LPCAT3: variants seen among roughly 807,000 people sequenced by gnomAD.
LPCAT3 encodes the protein lysophospholipid acyltransferase 5.
In LPCAT3, 21 loss-of-function variants were observed where a neutral mutation model predicts 63.4. That is an observed-to-expected ratio of 0.33 (90% CI 0.23 to 0.48). The LOEUF (loss-of-function observed/expected upper bound fraction) is 0.48, where lower values mean the gene tolerates loss of function less well. Among genes scored for constraint, LPCAT3 ranks in the 20% least tolerant of loss-of-function variants. LPCAT3 has a pLI of 0.99. For synonymous variants in LPCAT3, 242 were observed against 227.5 expected (o/e 1.06, Z -0.58); for missense variants, 451 against 590.6 (o/e 0.76, Z 2.45).
At chr12:6,986,795 CAAA>C (rs1157395768) in intron 1 of LPCAT3, among the ~76,000 whole-genome samples, 3 of 33,922 alleles carry the variant, frequency 8.8e-5, no homozygotes, top group Non-Finnish European at 1.8e-4. Context: ...GACTCTGTCT[CAAA>C]AAAAAAAAAA....
intron 1 of LPCAT3, among the ~76,000 whole-genome samples, chr12:6,991,540 C>G (rs1391773797): frequency 1.3e-5 from 2 of 152,134 alleles, no homozygotes; most frequent in African/African-American, 2.4e-5. Flanking sequence ...GCAGAAAAGT[C>G]TGTATATATT....
chr12:6,986,182 A>G (rs1035651842), intron 1 of LPCAT3, among the ~76,000 whole-genome samples: 30 of 152,152 alleles, frequency 2.0e-4, no homozygotes, highest in African/African-American at 7.0e-4. Flanking sequence ...TTGAACAGCA[A>G]GGGTCCCCTT....
chr12:7,011,402 T>G (rs990726108), intron 1 of LPCAT3, among the ~76,000 whole-genome samples: 1 of 151,878 alleles, frequency 6.6e-6, no homozygotes, highest in Non-Finnish European at 1.5e-5. Flanking sequence ...TCTCAGCACT[T>G]TGGGAGGCTG....
chr12:6,978,583 G>A lies in LPCAT3; in HGVS notation c.873+20C>T. 1 of 1,613,998 alleles carries A rather than the reference G, an allele frequency of 6.2e-7. No homozygotes were observed. The highest frequency in any genetic ancestry group is 8.5e-7 in the Non-Finnish European group (1 of 1,179,946). On this transcript the variant is annotated intron_variant, in intron 8 of 12. Coordinates refer to ENST00000261407, the MANE Select transcript of LPCAT3 (RefSeq NM_005768.6). ...CCATGGCTTGTCTAAATAGGACCTT[G>A]TTTCAACTTTTCTACTTACTGTGAC...
chr12:7,007,452 A>G (rs1439348296), intron 1 of LPCAT3, among the ~76,000 whole-genome samples: 1 of 151,214 alleles, frequency 6.6e-6, no homozygotes, highest in Non-Finnish European at 1.5e-5. Flanking sequence ...CCATAGCAAC[A>G]TGAATACTCA....
chr12:6,984,112 T>A (rs782130722), intron 1 of LPCAT3, among the ~76,000 whole-genome samples: 4 of 152,256 alleles, frequency 2.6e-5, no homozygotes, highest in Non-Finnish European at 5.9e-5. Flanking sequence ...TCAGGCTAAA[T>A]ACTGGAATTG....
intron 1 of LPCAT3, among the ~76,000 whole-genome samples, chr12:6,995,861 T>G (rs1262889320): frequency 6.6e-6 from 1 of 152,202 alleles, no homozygotes; most frequent in Non-Finnish European, 1.5e-5. Context: ...CTGGTCTGAG[T>G]TGCCACTATC....
At chr12:6,983,001 G>T in intron 2 of LPCAT3, 1 of 615,150 alleles carries the variant, frequency 1.6e-6, no homozygotes, top group Admixed American at 2.2e-5. Flanking sequence ...TGTTTTTTTA[G>T]AGATGCGACT....
chr12:6,993,155 T>A (rs1555155706), intron 1 of LPCAT3, among the ~76,000 whole-genome samples: 1 of 152,064 alleles, frequency 6.6e-6, no homozygotes, highest in East Asian at 1.9e-4. Flanking sequence ...TTCAAAAGGT[T>A]GTCGCCGGGC....
At position 6,977,050 on chromosome 12, in the gene LPCAT3, G is replaced by C. The variant is rs112876777; in HGVS notation, c.*12+84C>G. On this transcript the variant is annotated intron_variant, in intron 12 of 12. Transcript: ENST00000261407. This position sits in a 1 kb window ranked among gnomAD's most constrained non-coding sequence, Gnocchi z 4.5. ...AGGCTAATCCTTGGAATTCACCCCA[G>C]ATTTCTAATACTATTGTTTTTTTCC... The C allele has an allele frequency of 3.4e-6, 3 of 876,172 alleles. No homozygotes were observed. 54.3% of individuals were successfully genotyped at this position (876,172 alleles called of 1,614,324 possible). A position where few individuals can be genotyped will look rare whatever the true frequency, so the allele number is the denominator to read the frequency against.
intron 5 of LPCAT3, 72 bp from the exon 6 acceptor site, chr12:6,981,254 C>CCAGTCAGTGGGGCA: frequency 1.6e-6 from 2 of 1,258,220 alleles, no homozygotes; most frequent in Non-Finnish European, 2.2e-6. Context: ...TGAGTGTTCC[C>CCAGTCAGTGGGGCA]CACCTGTGTG....
intron 1 of LPCAT3, among the ~76,000 whole-genome samples, chr12:7,003,083 T>G (rs782753123): frequency 3.3e-5 from 5 of 152,328 alleles, no homozygotes; most frequent in African/African-American, 1.2e-4. Flanking sequence ...TGTAGCATTT[T>G]TTTTCCTTCA....
chr12:6,986,231 C>G (rs1946524741), intron 1 of LPCAT3, among the ~76,000 whole-genome samples: 1 of 152,168 alleles, frequency 6.6e-6, no homozygotes, highest in Non-Finnish European at 1.5e-5. Flanking sequence ...AGATGGCAAC[C>G]CTTTCTCTTT....
intron 1 of LPCAT3, among the ~76,000 whole-genome samples, chr12:7,004,926 T>C (rs1292479568): frequency 6.6e-6 from 1 of 152,228 alleles, no homozygotes; most frequent in East Asian, 1.9e-4. Flanking sequence ...TTTTTTTCTT[T>C]GATCATGCAT....
At position 6,987,427 on chromosome 12, in the gene LPCAT3, A is replaced by C. The variant is rs868990458; in HGVS notation, c.152-3888T>G. ...ACCCTTTCAGGTAGATCAATGAGCA[A>C]GGAAATAGGATCAAGTCTCATATAT... On this transcript the variant is annotated intron_variant, in intron 1 of 12. Transcript: ENST00000261407. The surrounding 1 kb of genome is among the most constrained non-coding windows in gnomAD (Gnocchi z 4.1). Among the ~76,000 whole-genome samples, 2 of 152,238 alleles carry C rather than the reference A, an allele frequency of 1.3e-5. No individual in the cohort carries two copies. The highest frequency in any genetic ancestry group is 4.8e-5 in the African/African-American group (2 of 41,462).
rs1555154043 is a variant in LPCAT3 at position 6,981,377 on chromosome 12, G to A, written c.499-195C>T. 5 of 670,844 alleles carry A rather than the reference G, an allele frequency of 7.5e-6. No homozygotes were observed. The African/African-American group carries it at 9.0e-5, about 12-fold the overall frequency. The allele number at this position is 670,844 out of a possible 1,614,324, so 41.6% of individuals were successfully genotyped here. On this transcript the variant is annotated intron_variant, in intron 5 of 12. Transcript: ENST00000261407. ...GCTGGCTGTTGCTGCTTTAGCAAAT[G>A]CCTTGCTGGCATTGATCTCTGGACT...
intron 1 of LPCAT3, among the ~76,000 whole-genome samples, chr12:7,008,234 T>C (rs1946740146): frequency 6.6e-6 from 1 of 152,136 alleles, no homozygotes; most frequent in South Asian, 2.1e-4. Context: ...TTCTGAACTA[T>C]ACAAATTACA....
At position 6,977,972 on chromosome 12, in the gene LPCAT3, A is replaced by C. The variant is rs782301379; in HGVS notation, c.1041-227T>G. ...CGCACGAGCCACTTGGTTCAGCAGC[A>C]GTGACTGAGGCTGATGCTGAGATCA... On this transcript the variant is annotated intron_variant, in intron 9 of 12. Transcript: ENST00000261407. This position sits in a 1 kb window ranked among gnomAD's most constrained non-coding sequence, Gnocchi z 4.5. The C allele has an allele frequency of 9.1e-4, 524 of 578,868 alleles. 1 individual carries two copies. Among genetic ancestry groups the C allele is most frequent in the Non-Finnish European group, 1.4e-3 (473 of 326,698 alleles). The allele number at this position is 578,868 out of a possible 1,614,324, so 35.9% of individuals were successfully genotyped here. A position where few individuals can be genotyped will look rare whatever the true frequency, so the allele number is the denominator to read the frequency against.
chr12:6,984,913 T>G (rs1946506369), intron 1 of LPCAT3, among the ~76,000 whole-genome samples: 1 of 152,188 alleles, frequency 6.6e-6, no homozygotes, highest in African/African-American at 2.4e-5. Context: ...TTTTAAATTA[T>G]GTAACTGCAG....
Sources: gnomAD v4.1 joint callset for allele counts (sites outside exome capture counted in the v4.1 genomes callset) on GRCh38, gnomAD v4.1.1 for gene constraint, Gnocchi (gnomAD v3.1) non-coding constraint, MANE v1.5 for transcripts, NCBI Gene and HGNC (gene_info 2026-07-23, HGNC 2026-07-21) for gene names.